Variants in SLC25A40 observed in about 807,000 individuals in gnomAD.
The protein encoded by SLC25A40 is mitochondrial glutathione transporter SLC25A40.
A neutral mutation model predicts 46.5 loss-of-function variants in SLC25A40; 41 were observed. The observed-to-expected ratio is 0.88, with a 90% CI of 0.69 to 1.14. The LOEUF (loss-of-function observed/expected upper bound fraction) is 1.14. Ranked by LOEUF, SLC25A40 falls within the 50% of genes most tolerant of loss-of-function variation. The pLI is 0.00. For synonymous variants in SLC25A40, 126 were observed against 127.5 expected (o/e 0.99, Z 0.08); for missense variants, 386 against 393.6 (o/e 0.98, Z 0.16).
At chr7:87,840,945 C>T (rs1476812757) in intron 10 of SLC25A40, among the ~76,000 whole-genome samples, 1 of 151,620 alleles carries the variant, frequency 6.6e-6, no homozygotes, top group Non-Finnish European at 1.5e-5. Flanking sequence ...ACAAGACTTA[C>T]ATAATTTTGT....
At chr7:87,837,416 A>G (rs1362993272) in intron 10 of SLC25A40, among the ~76,000 whole-genome samples, 1 of 151,184 alleles carries the variant, frequency 6.6e-6, no homozygotes, top group African/African-American at 2.4e-5. Flanking sequence ...CAGTGTCCTG[A>G]GTTATTACTA....
chr7:87,841,619 T>G lies in SLC25A40; in HGVS notation c.823+14A>C. On this transcript the variant is annotated intron_variant, in intron 10 of 11. Transcript: ENST00000341119. ...AATGGCATCTTAAAAATATTTTAAATTAATTAAACTTACTTTTATGACTTT... is the reference window on the plus strand; with the variant it reads ...AATGGCATCTTAAAAATATTTTAAAGTAATTAAACTTACTTTTATGACTTT... The G allele has an allele frequency of 7.0e-7, 1 of 1,426,872 alleles. No homozygotes were observed. Among genetic ancestry groups the G allele is most frequent in the Non-Finnish European group, 9.3e-7 (1 of 1,070,844 alleles). 88.4% of individuals were successfully genotyped at this position (1,426,872 alleles called of 1,614,324 possible).
intron 8 of SLC25A40, among the ~76,000 whole-genome samples, chr7:87,846,146 T>C (rs1838415095): frequency 6.6e-6 from 1 of 152,130 alleles, no homozygotes; most frequent in Non-Finnish European, 1.5e-5. Flanking sequence ...AAAAGGGGAT[T>C]TTCAAAAATA....
At chr7:87,846,419 G>A (rs1466178809) in intron 8 of SLC25A40, among the ~76,000 whole-genome samples, 1 of 152,106 alleles carries the variant, frequency 6.6e-6, no homozygotes, top group East Asian at 1.9e-4. Flanking sequence ...GTAAGTTACT[G>A]GTAGATTTAC....
chr7:87,844,739 C>A, intron 8 of SLC25A40, among the ~76,000 whole-genome samples: 1 of 151,108 alleles, frequency 6.6e-6, no homozygotes, highest in East Asian at 1.9e-4. Context: ...GCACAAGCTA[C>A]AAAGATTTAA....
chr7:87,862,245 C>G (rs958017472), intron 1 of SLC25A40, among the ~76,000 whole-genome samples: 1 of 152,186 alleles, frequency 6.6e-6, no homozygotes, highest in Non-Finnish European at 1.5e-5. Flanking sequence ...AGAACTCACT[C>G]TAACAAAATA....
At position 87,868,480 on chromosome 7, in the gene SLC25A40, C is replaced by T. The variant is rs531623354; in HGVS notation, c.-94+7616G>A. On this transcript the variant is annotated intron_variant, in intron 1 of 11. Transcript: ENST00000341119. ...AGGTTGAGGGCTGTCTCCAAGACTG[C>T]CTCCCCACCTTCAGTCAGAAGTCCA... is the stretch of plus-strand genomic sequence containing the variant. 2.6e-5 allele frequency among the ~76,000 whole-genome samples: 4 copies of T among 152,302 alleles called. No individual in the cohort carries two copies. In the South Asian group the frequency reaches 8.3e-4, roughly 32 times the overall value.
intron 1 of SLC25A40, among the ~76,000 whole-genome samples, chr7:87,871,370 A>G (rs1183482935): frequency 1.3e-5 from 2 of 152,184 alleles, no homozygotes; most frequent in African/African-American, 2.4e-5. Flanking sequence ...ACCCCTAGTG[A>G]GCTTTAAATT....
At position 87,836,120 on chromosome 7, in the gene SLC25A40, ATTAT is replaced by A; in HGVS notation, c.*125_*128del. The A allele has an allele frequency of 7.4e-6, 4 of 540,264 alleles. No individual in the cohort carries two copies. The highest frequency in any genetic ancestry group is 7.0e-5 in the East Asian group (2 of 28,440). 33.5% of individuals were successfully genotyped at this position (540,264 alleles called of 1,614,324 possible). ...ATTATGATTTAGAGGTAGAGCTGAAATTATTTATTTAAATTATAGGAAAGAAAGA... is the reference window on the plus strand; with the variant it reads ...ATTATGATTTAGAGGTAGAGCTGAAATTATTTAAATTATAGGAAAGAAAGA... On this transcript the variant is annotated 3_prime_UTR_variant, in exon 12 of 12. Transcript: ENST00000341119.
At chr7:87,875,759 A>G (rs1188134876) in intron 1 of SLC25A40, among the ~76,000 whole-genome samples, 2 of 152,214 alleles carry the variant, frequency 1.3e-5, no homozygotes, top group Non-Finnish European at 2.9e-5. Context: ...ATAGCCAACT[A>G]CCCAAGGACA....
intron 9 of SLC25A40, chr7:87,842,052 C>CG: frequency 2.7e-6 from 1 of 375,552 alleles, no homozygotes; most frequent in Non-Finnish European, 5.4e-6. Context: ...CTTTACATCA[C>CG]AAGAAGATAC....
At chr7:87,845,706 G>A (rs1051810326) in intron 8 of SLC25A40, among the ~76,000 whole-genome samples, 1 of 152,082 alleles carries the variant, frequency 6.6e-6, no homozygotes, top group Non-Finnish European at 1.5e-5. Context: ...ACCTATTTCA[G>A]TCCAAAACCC....
At chr7:87,862,690 T>C (rs1271342212) in intron 1 of SLC25A40, among the ~76,000 whole-genome samples, 1 of 152,230 alleles carries the variant, frequency 6.6e-6, no homozygotes, top group Non-Finnish European at 1.5e-5. Context: ...GTTTTCACAC[T>C]ACTGATAAAG....
chr7:87,851,135 T>C (rs549555346), intron 5 of SLC25A40, among the ~76,000 whole-genome samples: 3 of 152,178 alleles, frequency 2.0e-5, no homozygotes, highest in South Asian at 2.1e-4. Context: ...CACAGAAACA[T>C]GAATGTCCAT....
At chr7:87,863,183 T>C (rs887329300) in intron 1 of SLC25A40, among the ~76,000 whole-genome samples, 2 of 152,164 alleles carry the variant, frequency 1.3e-5, no homozygotes, top group Non-Finnish European at 2.9e-5. Flanking sequence ...TTCCATTTTT[T>C]AAAAAAATAC....
At chr7:87,840,892 T>A (rs1270008120) in intron 10 of SLC25A40, among the ~76,000 whole-genome samples, 2 of 151,788 alleles carry the variant, frequency 1.3e-5, no homozygotes, top group Non-Finnish European at 2.9e-5. Flanking sequence ...ACTATTATAA[T>A]CATGGGTAGA....
intron 4 of SLC25A40, 53 bp downstream of exon 4, chr7:87,856,239 C>A: frequency 1.0e-5 from 14 of 1,375,200 alleles, no homozygotes; most frequent in South Asian, 4.0e-5. Flanking sequence ...AAAAAAACCA[C>A]AGGAACATTT....
chr7:87,845,194 A>G (rs1838394303), intron 8 of SLC25A40, among the ~76,000 whole-genome samples: 1 of 152,174 alleles, frequency 6.6e-6, no homozygotes, highest in African/African-American at 2.4e-5. Context: ...TAACCAGCGA[A>G]ACAGATCCAT....
chr7:87,869,460 T>G (rs1455572835), intron 1 of SLC25A40, among the ~76,000 whole-genome samples: 1 of 151,462 alleles, frequency 6.6e-6, no homozygotes, highest in Non-Finnish European at 1.5e-5. Context: ...GCCTAGGAGG[T>G]CAAGGCTGCA....
Sources: allele counts gnomAD v4.1 joint callset (sites outside exome capture counted in the v4.1 genomes callset), GRCh38; gene constraint gnomAD v4.1.1; transcripts MANE v1.5; gene names NCBI Gene and HGNC (gene_info 2026-07-23, HGNC 2026-07-21).